Variants in RRP15 observed in about 807,000 individuals in gnomAD.
The protein encoded by RRP15 is RRP15-like protein.
RRP15 carries 18 observed loss-of-function variants against 27.1 expected under a neutral mutation model. The ratio of observed to expected loss-of-function variants is 0.66; its 90% CI spans 0.46 to 0.98. The LOEUF is 0.98. Ranked by LOEUF, RRP15 falls within the 50% of genes least tolerant of loss-of-function variation. The pLI is 0.00. For synonymous variants in RRP15, 107 were observed against 109.4 expected, an observed-to-expected ratio of 0.98 and a Z score of 0.14; for missense variants, 359 against 337.8, an observed-to-expected ratio of 1.06 and a Z score of -0.49.
intron 4 of RRP15, among the ~76,000 whole-genome samples, chr1:218,317,905 A>AT (rs1001629586): frequency 2.7e-5 from 4 of 150,410 alleles, no homozygotes; most frequent in African/African-American, 4.9e-5. Flanking sequence ...TTGATTTAAA[A>AT]TTTTTTTTTC....
At chr1:218,308,228 C>T (rs570351735) in intron 4 of RRP15, among the ~76,000 whole-genome samples, 56 of 151,698 alleles carry the variant, frequency 3.7e-4, no homozygotes, top group African/African-American at 1.3e-3. Flanking sequence ...CATGCCATCA[C>T]CTCCGGCTAA....
Position 218,307,432 on chromosome 1 carries a change from G to T in RRP15, c.505G>T (p.Gly169Cys). The T allele has an allele frequency of 6.2e-7, 1 of 1,611,924 alleles. No homozygotes were observed. The highest frequency in any genetic ancestry group is 8.5e-7 in the Non-Finnish European group (1 of 1,178,350). The change falls in exon 4 of 5, where the codon GGT becomes TGT. Residue 169 changes from glycine to cysteine, a missense_variant and splice_region_variant. Coordinates refer to ENST00000366932, the MANE Select transcript of RRP15 (RefSeq NM_016052.4). ...TTCTGGTCATTTTATATTCTACAGG[G>T]GTGTGGTGCAATTATTTAATGCTGT... ...ERNLQRIATR[G>C]VVQLFNAVQK...
intron 2 of RRP15, among the ~76,000 whole-genome samples, chr1:218,303,561 T>A (rs1318519374): frequency 1.3e-5 from 2 of 152,202 alleles, no homozygotes; most frequent in Non-Finnish European, 2.9e-5. Flanking sequence ...AAAATTTGAA[T>A]CTTTGTTTAT....
At chr1:218,330,906 G>A in intron 4 of RRP15, 42 bp from the exon 5 acceptor site, 1 of 1,576,334 alleles carries the variant, frequency 6.3e-7, no homozygotes, top group East Asian at 2.2e-5. Flanking sequence ...TCCTTATGAT[G>A]GAATTGACTT....
intron 1 of RRP15, among the ~76,000 whole-genome samples, chr1:218,286,725 C>G (rs1655554490): frequency 6.6e-6 from 1 of 152,116 alleles, no homozygotes; most frequent in Admixed American, 6.5e-5. Context: ...CCTGGACTTC[C>G]AGGACCAAGA....
intron 4 of RRP15, among the ~76,000 whole-genome samples, chr1:218,329,539 G>A (rs144782800): frequency 4.3e-4 from 66 of 152,232 alleles, no homozygotes; most frequent in Admixed American, 1.2e-3. Flanking sequence ...ATCTTCCTAC[G>A]TTATTGTTCT....
intron 1 of RRP15, among the ~76,000 whole-genome samples, chr1:218,287,833 T>C (rs1655574174): frequency 6.6e-6 from 1 of 152,220 alleles, no homozygotes; most frequent in Admixed American, 6.5e-5. Flanking sequence ...TTGCATACTT[T>C]AGTATTCAGT....
At chr1:218,317,351 G>A (rs1340522816) in intron 4 of RRP15, among the ~76,000 whole-genome samples, 1 of 152,214 alleles carries the variant, frequency 6.6e-6, no homozygotes, top group Non-Finnish European at 1.5e-5. Context: ...CAGATGAGCT[G>A]GAAGAACTGT....
At chr1:218,301,963 AC>A (rs1655817160) in intron 1 of RRP15, 1 of 254,462 alleles carries the variant, frequency 3.9e-6, no homozygotes, top group African/African-American at 2.2e-5. Flanking sequence ...ACTTGAATAT[AC>A]CTTGCACCAA....
chr1:218,316,658 A>G (rs1469355589), intron 4 of RRP15, among the ~76,000 whole-genome samples: 3 of 152,194 alleles, frequency 2.0e-5, no homozygotes, highest in Non-Finnish European at 4.4e-5. Flanking sequence ...AATTAAGTTA[A>G]TATACATAAA....
In RRP15 at chr1:218,335,851, GAT is replaced by G. The variant is rs1426875502; in HGVS notation, c.*4763_*4764del. Reference sequence around the variant, plus strand: ...TTTTCAGTATTTATATTTTTAAAAAGATATGTTTCTTTATAATTAACTTGTAT... The same window carrying G: ...TTTTCAGTATTTATATTTTTAAAAAGATGTTTCTTTATAATTAACTTGTAT... On this transcript the variant is annotated 3_prime_UTR_variant, in exon 5 of 5. Coordinates refer to ENST00000366932, the MANE Select transcript of RRP15 (RefSeq NM_016052.4). 1 of 152,044 alleles carries G rather than the reference GAT, an allele frequency of 6.6e-6. No individual in the cohort carries two copies. Among genetic ancestry groups the G allele is most frequent in the East Asian group, 1.9e-4 (1 of 5,196 alleles). The allele number at this position is 152,044 out of a possible 1,614,324, so 9.4% of individuals were successfully genotyped here.
chr1:218,311,084 A>C (rs559695900), intron 4 of RRP15, among the ~76,000 whole-genome samples: 4 of 152,272 alleles, frequency 2.6e-5, no homozygotes, highest in Admixed American at 6.5e-5. Flanking sequence ...TTTCTGCATT[A>C]GAATTTTATT....
Position 218,331,921 on chromosome 1 carries a change from AC to A in RRP15, c.*833del. ...TCTCAATCTCCTGACCTCGTGATCC[AC>A]CCGCCTCGGCCTCCCAAAGTGCTGG... is the stretch of plus-strand genomic sequence containing the variant. On this transcript the variant is annotated 3_prime_UTR_variant, in exon 5 of 5. Coordinates refer to ENST00000366932, the MANE Select transcript of RRP15 (RefSeq NM_016052.4). The A allele has an allele frequency of 6.6e-6, 1 of 151,190 alleles. No homozygotes were observed. The highest frequency in any genetic ancestry group is 2.1e-4 in the South Asian group (1 of 4,770). 9.4% of individuals were successfully genotyped at this position (151,190 alleles called of 1,614,324 possible). A position where few individuals can be genotyped will look rare whatever the true frequency, so the allele number is the denominator to read the frequency against.
intron 4 of RRP15, among the ~76,000 whole-genome samples, chr1:218,325,429 G>A (rs1355723470): frequency 2.6e-5 from 4 of 152,060 alleles, no homozygotes; most frequent in Admixed American, 6.5e-5. Context: ...TGGGGACCTC[G>A]TATGTCTGAA....
intron 4 of RRP15, among the ~76,000 whole-genome samples, chr1:218,320,308 G>A (rs1295501021): frequency 6.6e-6 from 1 of 151,656 alleles, no homozygotes; most frequent in Non-Finnish European, 1.5e-5. Context: ...AGAACATGCG[G>A]TGTTTAGTTT....
chr1:218,307,762 GC>G, intron 4 of RRP15, 130 bp downstream of exon 4: 1 of 661,634 alleles, frequency 1.5e-6, no homozygotes. Context: ...ATTCCTCCAT[GC>G]CCGCAACCTT....
intron 4 of RRP15, among the ~76,000 whole-genome samples, chr1:218,317,073 A>C (rs78397937): frequency 0.029 from 4,477 of 152,338 alleles, 88 homozygotes; most frequent in East Asian, 0.074. Flanking sequence ...GAATTTACTT[A>C]TTAAGATAAG....
rs193074461 is a variant in RRP15 at position 218,319,222 on chromosome 1, G to A, written c.705+11590G>A. ...TGGGATTACAGGCGCCCGCCACGACGCTTAGCTAATTTTTGTATTTTTAGT... is the reference window on the plus strand; with the variant it reads ...TGGGATTACAGGCGCCCGCCACGACACTTAGCTAATTTTTGTATTTTTAGT... On this transcript the variant is annotated intron_variant, in intron 4 of 4. Coordinates refer to ENST00000366932, the MANE Select transcript of RRP15 (RefSeq NM_016052.4). Among the ~76,000 whole-genome samples, 12 of 151,918 alleles carry A rather than the reference G, an allele frequency of 7.9e-5. 1 individual carries two copies. The East Asian group carries it at 1.7e-3, about 22-fold the overall frequency.
intron 4 of RRP15, among the ~76,000 whole-genome samples, chr1:218,310,727 G>A (rs563718928): frequency 3.3e-5 from 5 of 151,790 alleles, no homozygotes; most frequent in Non-Finnish European, 5.9e-5. Flanking sequence ...GATAGGGCCC[G>A]AACAAGTCAT....
Sources: gnomAD v4.1 joint callset for allele counts (sites outside exome capture counted in the v4.1 genomes callset) on GRCh38, gnomAD v4.1.1 for gene constraint, MANE v1.5 for transcripts, NCBI Gene and HGNC (gene_info 2026-07-23, HGNC 2026-07-21) for gene names.